ELOVL6: variants seen among roughly 807,000 people sequenced by gnomAD.
The protein encoded by ELOVL6 is ELOVL fatty acid elongase 6.
Under a neutral mutation model 31.7 loss-of-function variants are expected in ELOVL6, and 8 were observed. The observed-to-expected ratio is 0.25, with a 90% CI of 0.15 to 0.45. ELOVL6 has a LOEUF of 0.45. ELOVL6 is among the 20% of genes least tolerant of loss of function. The pLI, the probability that ELOVL6 is intolerant of heterozygous loss-of-function variation, is 1.00. For synonymous variants in ELOVL6, 101 were observed against 117.7 expected (o/e 0.86, Z 0.92); for missense variants, 126 against 326.4 (o/e 0.39, Z 4.73).
intron 1 of ELOVL6, among the ~76,000 whole-genome samples, chr4:110,153,291 T>A (rs914425117): frequency 2.0e-5 from 3 of 152,220 alleles, no homozygotes; most frequent in Non-Finnish European, 2.9e-5. Context: ...GTAGCTTCCA[T>A]AACTTATGAG....
chr4:110,178,672 A>G (rs1759185504), intron 1 of ELOVL6, among the ~76,000 whole-genome samples: 1 of 152,138 alleles, frequency 6.6e-6, no homozygotes, highest in Non-Finnish European at 1.5e-5. Context: ...TGGGCAACAT[A>G]GTGAGACCTC....
At chr4:110,090,638 C>T (rs11723238) in intron 2 of ELOVL6, among the ~76,000 whole-genome samples, 58,554 of 139,516 alleles carry the variant, frequency 0.42, 14,454 homozygotes, top group African/African-American at 0.7. Context: ...CGGAGTCTCG[C>T]TCTGTCGCCA....
intron 2 of ELOVL6, among the ~76,000 whole-genome samples, chr4:110,084,836 G>T (rs1756202648): frequency 6.6e-6 from 1 of 151,318 alleles, no homozygotes; most frequent in Admixed American, 6.6e-5. Flanking sequence ...CTCATGTTCT[G>T]CCCATCTTGG....
chr4:110,198,352 A>T lies in ELOVL6; in HGVS notation c.-17T>A, dbSNP rs1291373893. The T allele has an allele frequency of 3.4e-6, 5 of 1,464,476 alleles. No individual in the cohort carries two copies. The highest frequency in any genetic ancestry group is 4.8e-6 in the Non-Finnish European group (5 of 1,045,592). 90.7% of individuals were successfully genotyped at this position (1,464,476 alleles called of 1,614,324 possible). A position where few individuals can be genotyped will look rare whatever the true frequency, so the allele number is the denominator to read the frequency against. Reference sequence around the variant, plus strand: ...CATGTTCATTGGGGCTGATCTTCGGAGTCGCTACGTGTTCTCTATACAAAA... The same window carrying T: ...CATGTTCATTGGGGCTGATCTTCGGTGTCGCTACGTGTTCTCTATACAAAA... On this transcript the variant is annotated 5_prime_UTR_variant, in exon 1 of 4. Coordinates refer to ENST00000302274, the MANE Select transcript of ELOVL6 (RefSeq NM_024090.3).
intron 2 of ELOVL6, among the ~76,000 whole-genome samples, chr4:110,080,206 A>G (rs1755791555): frequency 6.6e-6 from 1 of 152,240 alleles, no homozygotes; most frequent in East Asian, 1.9e-4. Flanking sequence ...ATTACAATCA[A>G]TAGAAAGAGA....
At chr4:110,113,767 T>C (rs1757103941) in intron 1 of ELOVL6, among the ~76,000 whole-genome samples, 4 of 152,194 alleles carry the variant, frequency 2.6e-5, no homozygotes, top group Non-Finnish European at 5.9e-5. Context: ...AACAAAACTC[T>C]TGTGGCCATT....
intron 1 of ELOVL6, among the ~76,000 whole-genome samples, chr4:110,119,173 T>C (rs1757271770): frequency 6.6e-6 from 1 of 152,192 alleles, no homozygotes; most frequent in Non-Finnish European, 1.5e-5. Flanking sequence ...GGGTCATGCC[T>C]GAAATCCCAG....
chr4:110,064,353 G>C (rs1410259704), intron 2 of ELOVL6, among the ~76,000 whole-genome samples: 1 of 123,020 alleles, frequency 8.1e-6, no homozygotes, highest in Non-Finnish European at 1.5e-5. Flanking sequence ...ATTTGCCATG[G>C]GATGTCAGGA....
chr4:110,197,125 C>G (rs891968147), intron 1 of ELOVL6, among the ~76,000 whole-genome samples: 1 of 152,188 alleles, frequency 6.6e-6, no homozygotes, highest in Non-Finnish European at 1.5e-5. Flanking sequence ...CCCCGGCTCC[C>G]GGGAGACCCT....
At chr4:110,185,987 C>T (rs1469915437) in intron 1 of ELOVL6, among the ~76,000 whole-genome samples, 3 of 152,114 alleles carry the variant, frequency 2.0e-5, no homozygotes, top group East Asian at 1.9e-4. Flanking sequence ...GTCAGGAGTT[C>T]GAGACCACCC....
intron 1 of ELOVL6, among the ~76,000 whole-genome samples, chr4:110,143,894 A>G (rs1020108414): frequency 6.6e-6 from 1 of 151,992 alleles, no homozygotes; most frequent in African/African-American, 2.4e-5. Context: ...CATCTCTACT[A>G]AAAATACAAA....
chr4:110,057,542 AATTTT>A (rs1443739054), intron 3 of ELOVL6, among the ~76,000 whole-genome samples: 1 of 152,098 alleles, frequency 6.6e-6, no homozygotes, highest in Non-Finnish European at 1.5e-5. Flanking sequence ...AATAACGTGT[AATTTT>A]ATTTTAAAGA....
intron 2 of ELOVL6, among the ~76,000 whole-genome samples, chr4:110,102,932 G>A (rs1756790225): frequency 4.0e-5 from 6 of 151,172 alleles, no homozygotes; most frequent in Admixed American, 2.6e-4. Flanking sequence ...GGGGGACGGG[G>A]GGCGGGTAGG....
chr4:110,104,683 T>C lies in ELOVL6; in HGVS notation c.221+814A>G, dbSNP rs1459475643. On this transcript the variant is annotated intron_variant, in intron 2 of 3. Transcript: ENST00000302274. The stretch of plus-strand genomic sequence containing the variant: ...TCCCGTTCCTCCCCAAGCCTAGTTA[T>C]GAACTTGCTGGTTTTGACAAGCAAA... 2.6e-5 allele frequency among the ~76,000 whole-genome samples: 4 copies of C among 152,248 alleles called. No homozygotes were observed. In the East Asian group the frequency reaches 7.7e-4, roughly 29 times the overall value.
chr4:110,108,893 A>G (rs531846541), intron 1 of ELOVL6, among the ~76,000 whole-genome samples: 2 of 152,252 alleles, frequency 1.3e-5, no homozygotes, highest in African/African-American at 4.8e-5. Context: ...AGCATCTGCT[A>G]TAAGTGGAAG....
chr4:110,141,843 A>G (rs1757969689), intron 1 of ELOVL6, among the ~76,000 whole-genome samples: 1 of 117,976 alleles, frequency 8.5e-6, no homozygotes, highest in Admixed American at 9.7e-5. Context: ...ATACACTAAC[A>G]CAATACAATT....
intron 1 of ELOVL6, among the ~76,000 whole-genome samples, chr4:110,121,933 A>G (rs1172372239): frequency 1.3e-5 from 2 of 150,468 alleles, no homozygotes; most frequent in South Asian, 2.1e-4. Flanking sequence ...AAGTCACTAC[A>G]TGCTTGAAGC....
chr4:110,061,527 T>A (rs1755136914), intron 2 of ELOVL6, among the ~76,000 whole-genome samples: 1 of 146,662 alleles, frequency 6.8e-6, no homozygotes, highest in Admixed American at 7.3e-5. Context: ...TTGTGTACTG[T>A]CTTTCCCTCA....
chr4:110,143,236 G>T (rs1758013220), intron 1 of ELOVL6, among the ~76,000 whole-genome samples: 1 of 151,152 alleles, frequency 6.6e-6, no homozygotes, highest in Non-Finnish European at 1.5e-5. Flanking sequence ...ATAAATAGAA[G>T]TGAGATTTTC....
Sources: gnomAD v4.1 joint callset for allele counts (sites outside exome capture counted in the v4.1 genomes callset) on GRCh38, gnomAD v4.1.1 for gene constraint, MANE v1.5 for transcripts, NCBI Gene and HGNC (gene_info 2026-07-23, HGNC 2026-07-21) for gene names.